CEP85L: variants seen among roughly 807,000 people sequenced by gnomAD.
The protein encoded by CEP85L is centrosomal protein 85L, also known as centrosomal protein of 85 kDa-like.
A neutral mutation model predicts 100.3 loss-of-function variants in CEP85L; 60 were observed. The observed-to-expected ratio is 0.60, with a 90% CI of 0.49 to 0.74. The LOEUF is 0.74. CEP85L is among the 30% of genes least tolerant of loss of function. The probability of loss-of-function intolerance (pLI) is 0.00; values close to 1 mark genes in which losing one functional copy is unlikely to be tolerated. For synonymous variants in CEP85L, 319 were observed against 322.7 expected, an observed-to-expected ratio of 0.99 and a Z score of 0.12; for missense variants, 973 against 936.2, an observed-to-expected ratio of 1.04 and a Z score of -0.51.
At chr6:118,541,780 G>A (rs1777912750) in intron 3 of CEP85L, among the ~76,000 whole-genome samples, 2 of 152,160 alleles carry the variant, frequency 1.3e-5, no homozygotes, top group Admixed American at 1.3e-4. Context: ...AACTAAAAGT[G>A]CAATTTCTTT....
rs116462537 is a variant in CEP85L, at chr6:118,614,384, G to A, written c.232+18069C>T. Reference sequence around the variant, plus strand: ...GTGCTAGATTCTTCTAGTCACTGCAGTAAGTCAAGAGAAGAAAACAAAAGG... The same window carrying A: ...GTGCTAGATTCTTCTAGTCACTGCAATAAGTCAAGAGAAGAAAACAAAAGG... On this transcript the variant is annotated intron_variant, in intron 2 of 12. Coordinates refer to ENST00000368491, the MANE Select transcript of CEP85L (RefSeq NM_001042475.3). Among the ~76,000 whole-genome samples, 494 of 152,272 alleles carry A rather than the reference G, an allele frequency of 3.2e-3. 4 individuals carry two copies. The highest frequency in any genetic ancestry group is 0.011 in the African/African-American group (466 of 41,562).
intron 2 of CEP85L, among the ~76,000 whole-genome samples, chr6:118,627,591 T>C (rs1470333763): frequency 6.6e-6 from 1 of 152,196 alleles, no homozygotes; most frequent in Non-Finnish European, 1.5e-5. Flanking sequence ...GGAGGCTGAG[T>C]ATGAAGAAGT....
chr6:118,546,049 T>C (rs1038148618), intron 3 of CEP85L, among the ~76,000 whole-genome samples: 15 of 152,076 alleles, frequency 9.9e-5, no homozygotes, highest in African/African-American at 3.4e-4. Context: ...ACTCTACTGA[T>C]AACACTATAA....
At chr6:118,496,059 G>A (rs1043708505) in intron 5 of CEP85L, among the ~76,000 whole-genome samples, 1 of 152,114 alleles carries the variant, frequency 6.6e-6, no homozygotes, top group Non-Finnish European at 1.5e-5. Context: ...GTCAGTATAC[G>A]CACAGACAGA....
intron 3 of CEP85L, among the ~76,000 whole-genome samples, chr6:118,539,800 G>A (rs950303488): frequency 3.3e-5 from 5 of 152,246 alleles, no homozygotes; most frequent in South Asian, 2.1e-4. Context: ...GGGAGAGGGA[G>A]CATGCTTTTA....
chr6:118,553,671 G>C (rs1778681675), intron 3 of CEP85L, among the ~76,000 whole-genome samples: 1 of 152,114 alleles, frequency 6.6e-6, no homozygotes, highest in African/African-American at 2.4e-5. Flanking sequence ...TTTGTTTCCA[G>C]AAACAAACTC....
At chr6:118,475,386 C>T (rs1285378098) in intron 10 of CEP85L, among the ~76,000 whole-genome samples, 1 of 136,606 alleles carries the variant, frequency 7.3e-6, no homozygotes, top group Non-Finnish European at 1.5e-5. Flanking sequence ...ACGAGTCTCG[C>T]TCTGTCCCCC....
intron 2 of CEP85L, among the ~76,000 whole-genome samples, chr6:118,625,254 T>C (rs928309448): frequency 1.3e-5 from 2 of 152,266 alleles, no homozygotes; most frequent in Non-Finnish European, 2.9e-5. Flanking sequence ...CGTGCTAACA[T>C]AGCTTATTGA....
At chr6:118,640,971 T>C (rs1260242560) in intron 1 of CEP85L, among the ~76,000 whole-genome samples, 2 of 152,188 alleles carry the variant, frequency 1.3e-5, no homozygotes, top group African/African-American at 4.8e-5. Flanking sequence ...ACATGAAAGG[T>C]AGATAAAAAA....
At position 118,631,483 on chromosome 6, in the gene CEP85L, A is replaced by G. The variant is rs556133532; in HGVS notation, c.232+970T>C. On this transcript the variant is annotated intron_variant, in intron 2 of 12. Coordinates refer to ENST00000368491, the MANE Select transcript of CEP85L (RefSeq NM_001042475.3). ...CTCCTAGGCATCTACTCACCCAAAGAAATGAAGACATAGGTTCACAGAAAA... is the reference window on the plus strand; with the variant it reads ...CTCCTAGGCATCTACTCACCCAAAGGAATGAAGACATAGGTTCACAGAAAA... Among the ~76,000 whole-genome samples the G allele has an allele frequency of 3.3e-5, 5 of 152,352 alleles. No individual in the cohort carries two copies. In the South Asian group the frequency reaches 6.2e-4, roughly 19 times the overall value.
intron 5 of CEP85L, among the ~76,000 whole-genome samples, chr6:118,505,491 A>C (rs1283716203): frequency 6.6e-6 from 1 of 151,526 alleles, no homozygotes; most frequent in East Asian, 1.9e-4. Context: ...CTGGAAAACC[A>C]CTGGAAAATC....
intron 1 of CEP85L, among the ~76,000 whole-genome samples, chr6:118,683,354 C>G (rs937988564): frequency 6.6e-6 from 1 of 152,070 alleles, no homozygotes; most frequent in African/African-American, 2.4e-5. Context: ...TTTCTTCCCC[C>G]ACATTGAATG....
chr6:118,505,978 G>A (rs1046207225), intron 5 of CEP85L, among the ~76,000 whole-genome samples: 18 of 152,134 alleles, frequency 1.2e-4, no homozygotes, highest in African/African-American at 3.9e-4. Flanking sequence ...GGTTGAGCAC[G>A]TGTGAAGATA....
At chr6:118,473,051 TTA>T (rs1773084864) in intron 10 of CEP85L, among the ~76,000 whole-genome samples, 1 of 152,182 alleles carries the variant, frequency 6.6e-6, no homozygotes, top group African/African-American at 2.4e-5. Flanking sequence ...GAAAGAAAAT[TTA>T]TGTTAACATT....
In CEP85L at chr6:118,600,299, GGGT is replaced by G. The variant is rs1562297703; in HGVS notation, c.232+32151_232+32153del. Among the ~76,000 whole-genome samples, 472 of 88,986 alleles carry G rather than the reference GGGT, an allele frequency of 5.3e-3. 81 individuals are homozygous for G. The highest frequency in any genetic ancestry group is 0.016 in the Middle Eastern group (3 of 192). 58.4% of individuals were successfully genotyped at this position (88,986 alleles called of 152,430 possible). A position where few individuals can be genotyped will look rare whatever the true frequency, so the allele number is the denominator to read the frequency against. ...ACTGCCTGTCCCTGAGCCTTCCTGG[GGGT>G]GTGTGTGTGTGTGTGTGTGTGTGTG... On this transcript the variant is annotated intron_variant, in intron 2 of 12. Coordinates refer to ENST00000368491, the MANE Select transcript of CEP85L (RefSeq NM_001042475.3).
intron 3 of CEP85L, among the ~76,000 whole-genome samples, chr6:118,553,182 G>C (rs9489437): frequency 6.7e-6 from 1 of 148,400 alleles, no homozygotes; most frequent in African/African-American, 2.5e-5. Flanking sequence ...CATCGAAAAA[G>C]TACTCTATTA....
intron 1 of CEP85L, among the ~76,000 whole-genome samples, chr6:118,678,404 G>C (rs779861423): frequency 6.6e-6 from 1 of 152,174 alleles, no homozygotes; most frequent in Non-Finnish European, 1.5e-5. Context: ...CAGAAACTGG[G>C]AGAATAAGTC....
At chr6:118,573,586 A>C (rs1159965427) in intron 2 of CEP85L, among the ~76,000 whole-genome samples, 2 of 152,228 alleles carry the variant, frequency 1.3e-5, no homozygotes, top group African/African-American at 4.8e-5. Flanking sequence ...TATACTTAGC[A>C]ACCATGACAT....
intron 3 of CEP85L, among the ~76,000 whole-genome samples, chr6:118,538,227 A>G (rs1037435215): frequency 1.3e-5 from 2 of 152,024 alleles, no homozygotes; most frequent in Admixed American, 6.5e-5. Context: ...CAAAGTTTAT[A>G]TTATAGAAGA....
Sources: gnomAD v4.1 joint callset for allele counts (sites outside exome capture counted in the v4.1 genomes callset) on GRCh38, gnomAD v4.1.1 for gene constraint, MANE v1.5 for transcripts, NCBI Gene and HGNC (gene_info 2026-07-23, HGNC 2026-07-21) for gene names.